The following ANKRD24 variants were observed in gnomAD, a reference collection of about 807,000 sequenced individuals.
The protein encoded by ANKRD24 is ankyrin repeat domain-containing protein 24.
ANKRD24 carries 109 observed loss-of-function variants against 127.8 expected under a neutral mutation model. The observed-to-expected ratio is 0.85, with a 90% CI of 0.73 to 1.00. The LOEUF (loss-of-function observed/expected upper bound fraction) is 1.00. Among genes scored for constraint, ANKRD24 ranks in the 50% least tolerant of loss-of-function variants. The probability of loss-of-function intolerance (pLI) is 0.00; values close to 1 mark genes in which losing one functional copy is unlikely to be tolerated. For synonymous variants in ANKRD24, 743 were observed against 671.1 expected (o/e 1.11, Z -1.66); for missense variants, 1,648 against 1,570.2 (o/e 1.05, Z -0.84).
intron 1 of ANKRD24, chr19:4,183,425 GGT>G: frequency 3.4e-6 from 3 of 873,994 alleles, no homozygotes; most frequent in Non-Finnish European, 4.1e-6. Flanking sequence ...GGAGAGCAAA[GGT>G]GGTACCATCT....
intron 2 of ANKRD24, among the ~76,000 whole-genome samples, chr19:4,192,368 A>G (rs1008836017): frequency 4.8e-5 from 7 of 146,008 alleles, no homozygotes; most frequent in African/African-American, 1.8e-4. Context: ...TTTATTTTTT[A>G]CTTAAGTATG....
chr19:4,213,524 C>T (rs1157626538), intron 15 of ANKRD24, among the ~76,000 whole-genome samples: 3 of 137,246 alleles, frequency 2.2e-5, no homozygotes, highest in Admixed American at 7.7e-5. Context: ...GGTGTGATCT[C>T]GGTTCACGGC....
chr19:4,218,856 C>T (rs59768105), intron 18 of ANKRD24, among the ~76,000 whole-genome samples: 1 of 151,446 alleles, frequency 6.6e-6, no homozygotes, highest in African/African-American at 2.4e-5. Flanking sequence ...CAACCTCCAC[C>T]TCCTGGGCTC....
intron 18 of ANKRD24, among the ~76,000 whole-genome samples, chr19:4,219,070 G>C (rs559532241): frequency 2.6e-5 from 4 of 152,246 alleles, no homozygotes; most frequent in Admixed American, 2.6e-4. Context: ...TGGATCACCT[G>C]AGGTCACAAG....
At chr19:4,213,973 G>T (rs2145369786) in intron 15 of ANKRD24, among the ~76,000 whole-genome samples, 1 of 152,190 alleles carries the variant, frequency 6.6e-6, no homozygotes, top group Admixed American at 6.5e-5. Context: ...CATCCATGCA[G>T]GGATGGATAA....
chr19:4,207,085 CTTTTTTTT>C, intron 7 of ANKRD24, 149 bp from the exon 8 acceptor site: 1 of 430,202 alleles, frequency 2.3e-6, no homozygotes, highest in Non-Finnish European at 4.1e-6. Flanking sequence ...ATAATGTTTG[CTTTTTTTT>C]TTTTTTTTTT....
At chr19:4,218,992 A>C (rs907284893) in intron 18 of ANKRD24, among the ~76,000 whole-genome samples, 1 of 152,020 alleles carries the variant, frequency 6.6e-6, no homozygotes, top group Admixed American at 6.6e-5. Context: ...GGTCTCAAAC[A>C]CCTGAGCTCA....
In ANKRD24 at chr19:4,199,939, G is replaced by A. The variant is rs758566007; in HGVS notation, c.188G>A (p.Arg63Gln). The part of the protein sequence containing the change: ...LQAVENNDAP[R>Q]VAALIARKGL... ...GCCGTGGAAAACAACGATGCACCTC[G>A]GGTGGCCGCCCTCATCGCCCGCAAG... The change falls in exon 4 of 22, where the codon CGG becomes CAG. Residue 63 changes from arginine to glutamine, a missense_variant. Coordinates refer to ENST00000318934, the MANE Select transcript of ANKRD24 (RefSeq NM_001393985.1). The surrounding 1 kb of genome is among the most constrained non-coding windows in gnomAD (Gnocchi z 5.2). 9 of 1,566,890 alleles carry A rather than the reference G, an allele frequency of 5.7e-6. No individual in the cohort carries two copies. The highest frequency in any genetic ancestry group is 2.4e-5 in the East Asian group (1 of 41,864).
chr19:4,189,365 C>T (rs1324200786), intron 2 of ANKRD24, among the ~76,000 whole-genome samples: 3 of 149,426 alleles, frequency 2.0e-5, no homozygotes, highest in South Asian at 2.1e-4. Flanking sequence ...TTTCTTATGC[C>T]GCAGCCTCCC....
intron 2 of ANKRD24, among the ~76,000 whole-genome samples, chr19:4,192,582 A>C (rs1968447254): frequency 6.6e-6 from 1 of 151,920 alleles, no homozygotes. Flanking sequence ...TACAGCAGTG[A>C]CTAAGATAGA....
Position 4,192,433 on chromosome 19 carries a change from ACTC to A in ANKRD24, c.36+5975_36+5977del, listed in dbSNP as rs1968437658. Among the ~76,000 whole-genome samples the A allele has an allele frequency of 1.4e-5, 2 of 140,528 alleles. 1 individual carries two copies. Among genetic ancestry groups the A allele is most frequent in the Non-Finnish European group, 3.1e-5 (2 of 64,376 alleles). The allele number at this position is 140,528 out of a possible 152,430, so 92.2% of individuals were successfully genotyped here. Reference sequence around the variant, plus strand: ...ACCACGTTGCCCAGGCTGGTCTTGAACTCCTGGCCTCAAGCGATCCTCCCGCCT... The same window carrying A: ...ACCACGTTGCCCAGGCTGGTCTTGAACTGGCCTCAAGCGATCCTCCCGCCT... On this transcript the variant is annotated intron_variant, in intron 2 of 21. Transcript: ENST00000318934.
chr19:4,217,593 C>G lies in ANKRD24; in HGVS notation c.2433C>G (p.Ala811=). ...RDSRLRELEA[A]SACLDEARAS... ...CCCGCCTGCGGGAGCTGGAGGCGGC[C>G]TCGGCCTGCCTGGATGAGGCTCGGG... The change falls in exon 18 of 22, where the codon GCC becomes GCG. Residue 811 remains alanine (A), a synonymous_variant. Coordinates refer to ENST00000318934, the MANE Select transcript of ANKRD24 (RefSeq NM_001393985.1). 3 of 1,303,836 alleles carry G rather than the reference C, an allele frequency of 2.3e-6. No individual in the cohort carries two copies. Among genetic ancestry groups the G allele is most frequent in the Non-Finnish European group, 2.9e-6 (3 of 1,030,600 alleles). 80.8% of individuals were successfully genotyped at this position (1,303,836 alleles called of 1,614,324 possible).
intron 2 of ANKRD24, among the ~76,000 whole-genome samples, chr19:4,188,555 TA>T (rs1467764533): frequency 2.0e-5 from 3 of 151,752 alleles, no homozygotes; most frequent in Admixed American, 6.6e-5. Flanking sequence ...GGCTAATTTT[TA>T]TTTTTTGTAC....
intron 11 of ANKRD24, 123 bp from the exon 12 acceptor site, chr19:4,209,932 GGCT>G (rs55840328): frequency 0.75 from 471,988 of 629,086 alleles, 177,636 homozygotes; most frequent in African/African-American, 0.77. Context: ...AGGAGGCAGG[GGCT>G]GCTGGTTCCA....
intron 18 of ANKRD24, among the ~76,000 whole-genome samples, chr19:4,218,561 A>G (rs1970265075): frequency 6.6e-6 from 1 of 151,916 alleles, no homozygotes; most frequent in Non-Finnish European, 1.5e-5. Context: ...CAGCCTCTCA[A>G]AGTGCTGGGA....
Position 4,195,154 on chromosome 19 carries a change from G to C in ANKRD24, c.37-4529G>C, listed in dbSNP as rs1568317006. ...GTGGCACGACTTCTGCTCACTGCAAGCTCCGCCTCCCGGGTGCACGCCATT... is the reference window on the plus strand; with the variant it reads ...GTGGCACGACTTCTGCTCACTGCAACCTCCGCCTCCCGGGTGCACGCCATT... On this transcript the variant is annotated intron_variant, in intron 2 of 21. Transcript: ENST00000318934. The surrounding 1 kb of genome is among the most constrained non-coding windows in gnomAD (Gnocchi z 4.2). Among the ~76,000 whole-genome samples the C allele has an allele frequency of 6.6e-6, 1 of 151,012 alleles. No individual in the cohort carries two copies. The highest frequency in any genetic ancestry group is 1.5e-5 in the Non-Finnish European group (1 of 67,442).
Position 4,182,743 on chromosome 19 carries a change from G to A in ANKRD24, c.-37+3G>A. The A allele has an allele frequency of 7.2e-7, 1 of 1,395,668 alleles. No homozygotes were observed. 86.5% of individuals were successfully genotyped at this position (1,395,668 alleles called of 1,614,324 possible). A position where few individuals can be genotyped will look rare whatever the true frequency, so the allele number is the denominator to read the frequency against. On this transcript the variant is annotated splice_donor_region_variant and intron_variant, in intron 1 of 21. Coordinates refer to ENST00000318934, the MANE Select transcript of ANKRD24 (RefSeq NM_001393985.1). ...GAAGCCTGCCTCTTTGCATGCAGGT[G>A]TTTGCGGGGCTTGGGAAGGGGCTCC...
chr19:4,219,714 C>T lies in ANKRD24; in HGVS notation c.3127C>T (p.Arg1043Trp), dbSNP rs199513383. 5.6e-5 allele frequency: 91 copies of T among 1,613,308 alleles called. No individual in the cohort carries two copies. The East Asian group carries it at 2.0e-3, about 35-fold the overall frequency. The change falls in exon 19 of 22, where the codon CGG becomes TGG. Residue 1043 changes from arginine (R) to tryptophan (W), a missense_variant. Transcript: ENST00000318934. ...EAERARQAQSRAQEALDKAKE... is the reference protein window; with the variant it reads ...EAERARQAQSWAQEALDKAKE... ...GGAAAGGGCTCGCCAGGCCCAGAGC[C>T]GGGCCCAGGAGGCTCTGGACAAGGC...
At chr19:4,216,474 A>G in intron 17 of ANKRD24, 72 bp downstream of exon 17, 1 of 1,556,332 alleles carries the variant, frequency 6.4e-7, no homozygotes, top group African/African-American at 1.4e-5. Context: ...TGGGCAGGGA[A>G]GGTGGCAAGG....
Sources: gnomAD v4.1 joint callset for allele counts (sites outside exome capture counted in the v4.1 genomes callset) on GRCh38, gnomAD v4.1.1 for gene constraint, Gnocchi (gnomAD v3.1) non-coding constraint, MANE v1.5 for transcripts, NCBI Gene and HGNC (gene_info 2026-07-23, HGNC 2026-07-21) for gene names.